IQCH: variants seen among roughly 807,000 people sequenced by gnomAD.
IQCH encodes IQ motif containing H, also known as IQ domain-containing protein H.
A neutral mutation model predicts 117.0 loss-of-function variants in IQCH; 98 were observed. The observed-to-expected ratio is 0.84, with a 90% CI of 0.71 to 0.99. IQCH has a LOEUF of 0.99. Ranked by LOEUF, IQCH falls within the 50% of genes least tolerant of loss-of-function variation. The pLI is 0.00. For synonymous variants in IQCH, 412 were observed against 448.2 expected, an observed-to-expected ratio of 0.92 and a Z score of 1.02; for missense variants, 1,102 against 1,243.8, an observed-to-expected ratio of 0.89 and a Z score of 1.72.
At chr15:67,299,301 G>C (rs1966907831) in intron 4 of IQCH, among the ~76,000 whole-genome samples, 1 of 151,706 alleles carries the variant, frequency 6.6e-6, no homozygotes, top group Non-Finnish European at 1.5e-5. Context: ...GGGAGAAGGG[G>C]GGATAGTTAA....
Position 67,413,840 on chromosome 15 carries a change from C to A in IQCH, c.2098-3091C>A, listed in dbSNP as rs2081509357. Among the ~76,000 whole-genome samples the A allele has an allele frequency of 1.3e-5, 2 of 152,182 alleles. No homozygotes were observed. Among genetic ancestry groups the A allele is most frequent in the South Asian group, 4.1e-4 (2 of 4,828 alleles). On this transcript the variant is annotated intron_variant, in intron 14 of 20. Coordinates refer to ENST00000335894, the MANE Select transcript of IQCH (RefSeq NM_001031715.3). The surrounding 1 kb of genome is among the most constrained non-coding windows in gnomAD (Gnocchi z 5.0). Reference sequence around the variant, plus strand: ...CCTCCAGATTCCAGCAGCCGACTTTCCTCTAGGAAATTTACCTCCTTACTG... The same window carrying A: ...CCTCCAGATTCCAGCAGCCGACTTTACTCTAGGAAATTTACCTCCTTACTG...
At chr15:67,267,720 C>T (rs1965733796) in intron 3 of IQCH, among the ~76,000 whole-genome samples, 2 of 152,206 alleles carry the variant, frequency 1.3e-5, no homozygotes, top group African/African-American at 4.8e-5. Flanking sequence ...GTTCCTTTGA[C>T]AGCAGAGCAC....
intron 4 of IQCH, among the ~76,000 whole-genome samples, chr15:67,283,422 T>C (rs1178859836): frequency 1.3e-5 from 2 of 152,184 alleles, no homozygotes; most frequent in Non-Finnish European, 2.9e-5. Flanking sequence ...TGTTCACAAA[T>C]GCTATATATG....
Position 67,254,966 on chromosome 15 carries a change from C to T in IQCH, c.51+19C>T. The T allele has an allele frequency of 6.2e-7, 1 of 1,609,192 alleles. No homozygotes were observed. Among genetic ancestry groups the T allele is most frequent in the Non-Finnish European group, 8.5e-7 (1 of 1,177,038 alleles). ...AATCCAGGTGGGAAACGGGCTTCCCCCGGCCCTGCCCTGCCCAGCCGCGCC... is the reference window on the plus strand; with the variant it reads ...AATCCAGGTGGGAAACGGGCTTCCCTCGGCCCTGCCCTGCCCAGCCGCGCC... On this transcript the variant is annotated intron_variant, in intron 1 of 20. Coordinates refer to ENST00000335894, the MANE Select transcript of IQCH (RefSeq NM_001031715.3).
At position 67,364,205 on chromosome 15, in the gene IQCH, C is replaced by T. The variant is rs1172682051; in HGVS notation, c.753+4320C>T. ...TATAAGCATTCCCTTTTCTCTGCAA[C>T]CTCACCAGCATCTGTTATTTTTTGA... On this transcript the variant is annotated intron_variant, in intron 8 of 20. Coordinates refer to ENST00000335894, the MANE Select transcript of IQCH (RefSeq NM_001031715.3). The surrounding 1 kb of genome is among the most constrained non-coding windows in gnomAD (Gnocchi z 4.1). Among the ~76,000 whole-genome samples, 1 of 152,154 alleles carries T rather than the reference C, an allele frequency of 6.6e-6. No homozygotes were observed. Among genetic ancestry groups the T allele is most frequent in the East Asian group, 1.9e-4 (1 of 5,194 alleles).
intron 8 of IQCH, among the ~76,000 whole-genome samples, chr15:67,371,056 A>G (rs1451023789): frequency 6.6e-6 from 1 of 152,172 alleles, no homozygotes; most frequent in Non-Finnish European, 1.5e-5. Flanking sequence ...TATACATCTG[A>G]GAACGCTGAC....
At position 67,447,095 on chromosome 15, in the gene IQCH, C is replaced by G. The variant is rs189892357; in HGVS notation, c.2506-18032C>G. ...ACCTGGATCTTTGTCCTCGCCCTGC[C>G]GCTGAGCTGTGGAACTTGGCACGTT... On this transcript the variant is annotated intron_variant, in intron 16 of 20. Coordinates refer to ENST00000335894, the MANE Select transcript of IQCH (RefSeq NM_001031715.3). The surrounding 1 kb of genome is among the most constrained non-coding windows in gnomAD (Gnocchi z 5.3). 6.6e-5 allele frequency among the ~76,000 whole-genome samples: 10 copies of G among 152,308 alleles called. No individual in the cohort carries two copies. Among genetic ancestry groups the G allele is most frequent in the Non-Finnish European group, 1.2e-4 (8 of 68,030 alleles).
chr15:67,329,853 C>T (rs993019119), intron 4 of IQCH, among the ~76,000 whole-genome samples: 21 of 150,154 alleles, frequency 1.4e-4, no homozygotes, highest in African/African-American at 4.7e-4. Flanking sequence ...CACATATACA[C>T]ATATATAGTG....
intron 18 of IQCH, 40 bp from the exon 19 acceptor site, chr15:67,489,963 A>G: frequency 7.4e-7 from 1 of 1,345,824 alleles, no homozygotes; most frequent in African/African-American, 1.4e-5. Context: ...TGTTTCTGAG[A>G]TAATATACTA....
rs1966254075 is a variant in IQCH, at chr15:67,279,327, T to TA, written c.270-64dup. 8 of 813,032 alleles carry TA rather than the reference T, an allele frequency of 9.8e-6. No homozygotes were observed. In the South Asian group the frequency reaches 1.3e-4, roughly 13 times the overall value. 50.4% of individuals were successfully genotyped at this position (813,032 alleles called of 1,614,324 possible). A position where few individuals can be genotyped will look rare whatever the true frequency, so the allele number is the denominator to read the frequency against. ...TAAGCTTAATTAGGAAGCATTGTTT[T>TA]AAAATTACAATTTGAAAAGCTTTTA... On this transcript the variant is annotated intron_variant, in intron 3 of 20. Transcript: ENST00000335894.
intron 16 of IQCH, among the ~76,000 whole-genome samples, chr15:67,435,941 G>A (rs906102641): frequency 6.6e-6 from 1 of 151,684 alleles, no homozygotes. Flanking sequence ...CTTTGCTATT[G>A]AGTTGTAAGA....
intron 4 of IQCH, among the ~76,000 whole-genome samples, chr15:67,330,342 G>T (rs1968610600): frequency 1.3e-5 from 2 of 152,174 alleles, no homozygotes; most frequent in Admixed American, 1.3e-4. Context: ...CTATTTTACA[G>T]AAGATAAAAC....
rs2081927126 is a variant in IQCH, at chr15:67,427,796, A to G, written c.2505+6219A>G. Among the ~76,000 whole-genome samples, 1 of 152,098 alleles carries G rather than the reference A, an allele frequency of 6.6e-6. No individual in the cohort carries two copies. ...AATCACATCATTATTAAGAATAGCA[A>G]AATATTTCAAGTAGTCTAAATTCCA... On this transcript the variant is annotated intron_variant, in intron 16 of 20. Transcript: ENST00000335894. This position sits in a 1 kb window ranked among gnomAD's most constrained non-coding sequence, Gnocchi z 4.7.
At chr15:67,360,684 C>T (rs1447884319) in intron 8 of IQCH, among the ~76,000 whole-genome samples, 1 of 152,258 alleles carries the variant, frequency 6.6e-6, no homozygotes, top group Non-Finnish European at 1.5e-5. Flanking sequence ...GCCTCCCTTT[C>T]TTGGGGATCT....
rs544360205 is a variant in IQCH, at chr15:67,287,049, A to G, written c.387+7537A>G. On this transcript the variant is annotated intron_variant, in intron 4 of 20. Coordinates refer to ENST00000335894, the MANE Select transcript of IQCH (RefSeq NM_001031715.3). ...AAATGATCATATGGTTTTGTCCTCT[A>G]TTCTGTTGATATGATGTATCACATT... 2.6e-5 allele frequency among the ~76,000 whole-genome samples: 4 copies of G among 152,266 alleles called. No homozygotes were observed. The East Asian group carries it at 5.8e-4, about 22-fold the overall frequency.
intron 6 of IQCH, among the ~76,000 whole-genome samples, chr15:67,349,873 C>A (rs1969577786): frequency 6.6e-6 from 1 of 152,046 alleles, no homozygotes; most frequent in Non-Finnish European, 1.5e-5. Context: ...AGTGGGATAC[C>A]ACTACATGAG....
chr15:67,257,955 C>T (rs1043614223), intron 1 of IQCH, among the ~76,000 whole-genome samples: 4 of 152,158 alleles, frequency 2.6e-5, no homozygotes, highest in Admixed American at 1.3e-4. Flanking sequence ...GTTGGCCAGG[C>T]GTGGTGGCTC....
Position 67,432,913 on chromosome 15 carries a change from C to G in IQCH, c.2505+11336C>G, listed in dbSNP as rs1441114555. On this transcript the variant is annotated intron_variant, in intron 16 of 20. Coordinates refer to ENST00000335894, the MANE Select transcript of IQCH (RefSeq NM_001031715.3). This position sits in a 1 kb window ranked among gnomAD's most constrained non-coding sequence, Gnocchi z 5.0. ...AGTACTCTCATTTGCAAGATCTCCC[C>G]TATCTCTGTTTTCAAGATATACAAG... 6.6e-6 allele frequency among the ~76,000 whole-genome samples: 1 copy of G among 152,178 alleles called. No individual in the cohort carries two copies. Among genetic ancestry groups the G allele is most frequent in the Non-Finnish European group, 1.5e-5 (1 of 68,018 alleles).
intron 7 of IQCH, among the ~76,000 whole-genome samples, chr15:67,358,799 T>C (rs576067892): frequency 6.6e-6 from 1 of 152,252 alleles, no homozygotes. Context: ...AGTAGACTGC[T>C]ACCTGCTCTT....
Sources: gnomAD v4.1 joint callset for allele counts (sites outside exome capture counted in the v4.1 genomes callset) on GRCh38, gnomAD v4.1.1 for gene constraint, Gnocchi (gnomAD v3.1) non-coding constraint, MANE v1.5 for transcripts, NCBI Gene and HGNC (gene_info 2026-07-23, HGNC 2026-07-21) for gene names.